Variants in DENND1A observed in about 807,000 individuals in gnomAD.
DENND1A encodes DENN domain-containing protein 1A.
Under a neutral mutation model 113.7 loss-of-function variants are expected in DENND1A, and 51 were observed. The observed-to-expected ratio is 0.45, with a 90% CI of 0.36 to 0.57. DENND1A has a LOEUF of 0.57. Among genes scored for constraint, DENND1A ranks in the 20% least tolerant of loss-of-function variants. The pLI, the probability that DENND1A is intolerant of heterozygous loss-of-function variation, is 0.00. For missense variants in DENND1A, 1,258 were observed against 1,395.9 expected (o/e 0.90, Z 1.57); for synonymous variants, 565 against 570.8 (o/e 0.99, Z 0.14).
At position 123,652,092 on chromosome 9, in the gene DENND1A, T is replaced by C. The variant is rs530889216; in HGVS notation, c.539A>G (p.Asp180Gly). 1 of 1,613,946 alleles carries C rather than the reference T, an allele frequency of 6.2e-7. No homozygotes were observed. The highest frequency in any genetic ancestry group is 1.3e-5 in the African/African-American group (1 of 74,920). ...RNLTEYFVAV[D>G]VNNMLHLYAS... ...GTACAGATGCAACATGTTGTTAACA[T>C]CCACAGCCACAAAATATTCTGTCAG... The change falls in exon 9 of 24, where the codon GAT becomes GGT. Residue 180 changes from aspartate to glycine, a missense_variant. Physicochemically the swap from Asp to Gly is moderately conservative, Grantham distance 94 (BLOSUM62 -1). Coordinates refer to ENST00000394215, the MANE Select transcript of DENND1A (RefSeq NM_001352964.2).
rs1427200082 is a variant in DENND1A, at chr9:123,804,939, G to A, written c.89-12309C>T. On this transcript the variant is annotated intron_variant, in intron 2 of 23. Coordinates refer to ENST00000394215, the MANE Select transcript of DENND1A (RefSeq NM_001352964.2). Reference sequence around the variant, plus strand: ...CTCAATACAGGGCCTCCTCTACAACGTCCTCCCTTCACCAGCATACCTCTG... The same window carrying A: ...CTCAATACAGGGCCTCCTCTACAACATCCTCCCTTCACCAGCATACCTCTG... Among the ~76,000 whole-genome samples, 6 of 151,946 alleles carry A rather than the reference G, an allele frequency of 3.9e-5. No homozygotes were observed. The East Asian group carries it at 5.8e-4, about 15-fold the overall frequency.
At chr9:123,623,421 TCA>T (rs1158399174) in intron 10 of DENND1A, among the ~76,000 whole-genome samples, 1 of 152,176 alleles carries the variant, frequency 6.6e-6, no homozygotes, top group Non-Finnish European at 1.5e-5. Flanking sequence ...ATATTGCAGA[TCA>T]CAGAGTTAAA....
At chr9:123,445,136 C>T (rs1317866389) in intron 18 of DENND1A, among the ~76,000 whole-genome samples, 1 of 152,174 alleles carries the variant, frequency 6.6e-6, no homozygotes, top group Non-Finnish European at 1.5e-5. Context: ...AAGGCAGGCA[C>T]GGCATACGGT....
At chr9:123,531,603 AG>A (rs1450998722) in intron 13 of DENND1A, among the ~76,000 whole-genome samples, 5 of 149,254 alleles carry the variant, frequency 3.3e-5, no homozygotes, top group African/African-American at 1.3e-4. Flanking sequence ...ACACACACAC[AG>A]AAGGCAATTA....
intron 2 of DENND1A, among the ~76,000 whole-genome samples, chr9:123,866,977 TCTC>T (rs762770800): frequency 8.5e-5 from 13 of 152,290 alleles, no homozygotes; most frequent in South Asian, 4.1e-4. Context: ...GCATCTATCT[TCTC>T]CTCAAATAAG....
At chr9:123,475,719 C>T (rs905512088) in intron 13 of DENND1A, among the ~76,000 whole-genome samples, 2 of 152,242 alleles carry the variant, frequency 1.3e-5, no homozygotes, top group Admixed American at 1.3e-4. Flanking sequence ...ATATTGCTAA[C>T]GTGGGCTTCG....
At chr9:123,465,867 C>A (rs559683369) in intron 13 of DENND1A, among the ~76,000 whole-genome samples, 7 of 152,100 alleles carry the variant, frequency 4.6e-5, no homozygotes, top group African/African-American at 1.7e-4. Flanking sequence ...TTGTGCAATG[C>A]CAGTTTTAAA....
At chr9:123,454,653 G>A in intron 16 of DENND1A, 86 bp downstream of exon 16, 1 of 1,348,320 alleles carries the variant, frequency 7.4e-7, no homozygotes, top group Non-Finnish European at 1.0e-6. Context: ...AGTGCTCCAG[G>A]ATGGAAGGGG....
chr9:123,779,967 G>C (rs576120121), intron 3 of DENND1A, among the ~76,000 whole-genome samples: 15 of 150,022 alleles, frequency 1.0e-4, no homozygotes, highest in East Asian at 7.9e-4. Context: ...CGATTTTCCT[G>C]CTCAGCCTCC....
chr9:123,530,979 A>G (rs2055249668), intron 13 of DENND1A, among the ~76,000 whole-genome samples: 1 of 152,172 alleles, frequency 6.6e-6, no homozygotes, highest in Non-Finnish European at 1.5e-5. Context: ...TGATAACTGA[A>G]GTCATGGAAA....
chr9:123,446,160 C>T (rs1301250573), intron 18 of DENND1A, among the ~76,000 whole-genome samples: 1 of 152,228 alleles, frequency 6.6e-6, no homozygotes, highest in Non-Finnish European at 1.5e-5. Context: ...GGGCAGAGGC[C>T]TTCCCGTCTG....
chr9:123,830,514 A>G (rs1013820616), intron 2 of DENND1A, among the ~76,000 whole-genome samples: 6 of 152,098 alleles, frequency 3.9e-5, no homozygotes, highest in African/African-American at 1.4e-4. Flanking sequence ...TCAATTAAAA[A>G]AACCTATAGC....
intron 13 of DENND1A, among the ~76,000 whole-genome samples, chr9:123,467,146 T>C (rs2049025606): frequency 1.3e-5 from 2 of 152,232 alleles, no homozygotes; most frequent in African/African-American, 4.8e-5. Context: ...CTGGTTCTAA[T>C]GGAAAGTGTG....
At chr9:123,617,014 T>C (rs1404251285) in intron 10 of DENND1A, among the ~76,000 whole-genome samples, 4 of 152,174 alleles carry the variant, frequency 2.6e-5, no homozygotes, top group Admixed American at 2.6e-4. Flanking sequence ...TCTGCAGCAA[T>C]CTTGAAAGGT....
chr9:123,905,824 C>A (rs1022477669), intron 1 of DENND1A, among the ~76,000 whole-genome samples: 3 of 151,106 alleles, frequency 2.0e-5, no homozygotes, highest in African/African-American at 7.3e-5. Context: ...CAAGGATACC[C>A]AGGAATTGAA....
chr9:123,723,843 C>T (rs1249215099), intron 5 of DENND1A, among the ~76,000 whole-genome samples: 1 of 152,190 alleles, frequency 6.6e-6, no homozygotes, highest in Non-Finnish European at 1.5e-5. Context: ...TGCTTTTATA[C>T]CCTTATCACA....
chr9:123,728,375 G>T (rs1488827214), intron 5 of DENND1A, among the ~76,000 whole-genome samples: 1 of 150,306 alleles, frequency 6.7e-6, no homozygotes, highest in African/African-American at 2.5e-5. Flanking sequence ...TACTCAGGAG[G>T]CTGAGGCAGG....
chr9:123,639,300 G>A (rs1409427219), intron 9 of DENND1A, among the ~76,000 whole-genome samples: 1 of 151,528 alleles, frequency 6.6e-6, no homozygotes, highest in Non-Finnish European at 1.5e-5. Flanking sequence ...TTAGCTGGGT[G>A]TGGTGACAGG....
chr9:123,694,289 C>T (rs2065371010), intron 5 of DENND1A, among the ~76,000 whole-genome samples: 13 of 152,080 alleles, frequency 8.5e-5, no homozygotes, highest in Admixed American at 8.5e-4. Flanking sequence ...GAGGTCTGGC[C>T]GTAATACCAT....
Sources: allele counts gnomAD v4.1 joint callset (sites outside exome capture counted in the v4.1 genomes callset), GRCh38; gene constraint gnomAD v4.1.1; transcripts MANE v1.5; gene names NCBI Gene and HGNC (gene_info 2026-07-23, HGNC 2026-07-21).